Variants in ESR1 observed in about 807,000 individuals in gnomAD.
The protein encoded by ESR1 is estrogen receptor.
A neutral mutation model predicts 52.7 loss-of-function variants in ESR1; 12 were observed. The observed-to-expected ratio is 0.23, with a 90% CI of 0.15 to 0.37. The LOEUF (loss-of-function observed/expected upper bound fraction) is 0.37. Among genes scored for constraint, ESR1 ranks in the 10% least tolerant of loss-of-function variants. The pLI is 1.00. For missense variants in ESR1, 584 were observed against 779.7 expected (o/e 0.75, Z 2.99); for synonymous variants, 305 against 316.8 (o/e 0.96, Z 0.39).
chr6:151,846,072 A>G (rs1310290214), intron 2 of ESR1, among the ~76,000 whole-genome samples: 2 of 152,224 alleles, frequency 1.3e-5, no homozygotes, highest in African/African-American at 4.8e-5. Context: ...GAGTCTGGCT[A>G]TCAGAGGTTT....
At chr6:152,034,635 A>G (rs2045109930) in intron 5 of ESR1, among the ~76,000 whole-genome samples, 1 of 152,048 alleles carries the variant, frequency 6.6e-6, no homozygotes, top group Non-Finnish European at 1.5e-5. Context: ...GAAATGTGCA[A>G]CTAACTCTTT....
chr6:151,897,879 T>C (rs1378307064), intron 3 of ESR1, among the ~76,000 whole-genome samples: 2 of 152,248 alleles, frequency 1.3e-5, no homozygotes, highest in South Asian at 2.1e-4. Flanking sequence ...AGTCATGTAG[T>C]GCTGGCTTGG....
intron 2 of ESR1, among the ~76,000 whole-genome samples, chr6:151,795,915 G>A (rs905021064): frequency 4.6e-5 from 7 of 152,006 alleles, no homozygotes; most frequent in Non-Finnish European, 7.4e-5. Context: ...TTGGGAGGCC[G>A]AGGTGGGCGG....
intron 1 of ESR1, among the ~76,000 whole-genome samples, chr6:151,695,972 A>G (rs368959621): frequency 1.3e-5 from 2 of 152,222 alleles, no homozygotes; most frequent in South Asian, 2.1e-4. Flanking sequence ...CAAAATTTAA[A>G]ATTTTGGAAA....
intron 5 of ESR1, among the ~76,000 whole-genome samples, chr6:152,045,401 A>G (rs1021220761): frequency 6.6e-6 from 1 of 152,132 alleles, no homozygotes; most frequent in Admixed American, 6.5e-5. Context: ...GGTACTCCAC[A>G]CTGTGTTCAG....
At chr6:152,045,853 T>G (rs1224053465) in intron 5 of ESR1, among the ~76,000 whole-genome samples, 1 of 152,190 alleles carries the variant, frequency 6.6e-6, no homozygotes, top group Non-Finnish European at 1.5e-5. Context: ...AGTGAACACT[T>G]TTACCTTCTT....
intron 1 of ESR1, among the ~76,000 whole-genome samples, chr6:151,834,944 C>T (rs909669210): frequency 2.0e-5 from 3 of 151,936 alleles, no homozygotes; most frequent in Non-Finnish European, 4.4e-5. Flanking sequence ...GAGCTTTACT[C>T]TTGTTGTGGT....
chr6:151,982,458 A>G (rs931924698), intron 4 of ESR1, among the ~76,000 whole-genome samples: 8 of 152,052 alleles, frequency 5.3e-5, no homozygotes. Context: ...TAGCCACATT[A>G]AAAAGTAAAA....
chr6:151,929,949 C>A (rs904002131), intron 3 of ESR1, among the ~76,000 whole-genome samples: 1 of 151,300 alleles, frequency 6.6e-6, no homozygotes, highest in Admixed American at 6.6e-5. Flanking sequence ...GTATGTCATA[C>A]CATTTTATCT....
At chr6:151,944,893 CA>C in intron 4 of ESR1, among the ~76,000 whole-genome samples, 1 of 152,140 alleles carries the variant, frequency 6.6e-6, no homozygotes, top group East Asian at 1.9e-4. Context: ...GAAAACATCT[CA>C]ATTATTAATC....
chr6:151,775,902 A>C (rs1280920420), intron 2 of ESR1, among the ~76,000 whole-genome samples: 1 of 152,238 alleles, frequency 6.6e-6, no homozygotes, highest in Non-Finnish European at 1.5e-5. Flanking sequence ...AAGAAACGTC[A>C]GGCCCAGGGG....
chr6:151,706,439 G>A (rs907915506), intron 2 of ESR1, among the ~76,000 whole-genome samples: 5 of 152,102 alleles, frequency 3.3e-5, no homozygotes, highest in African/African-American at 1.2e-4. Flanking sequence ...AAGAGGTAGC[G>A]GGCATCCTTG....
chr6:152,028,230 C>A (rs890918753), intron 5 of ESR1, among the ~76,000 whole-genome samples: 1 of 152,174 alleles, frequency 6.6e-6, no homozygotes. Context: ...ATGCAGAAGA[C>A]AAATGATTTT....
chr6:151,959,175 G>T (rs1293279710), intron 4 of ESR1, among the ~76,000 whole-genome samples: 1 of 152,158 alleles, frequency 6.6e-6, no homozygotes, highest in African/African-American at 2.4e-5. Flanking sequence ...GCCATCTCAA[G>T]ACTAAGTATT....
At chr6:151,914,256 T>TAA (rs34984292) in intron 3 of ESR1, among the ~76,000 whole-genome samples, 1 of 148,480 alleles carries the variant, frequency 6.7e-6, no homozygotes, top group African/African-American at 2.5e-5. Flanking sequence ...ACTTTTTCAT[T>TAA]AAAAAAAAAA....
At chr6:151,761,478 T>A (rs567807594) in intron 2 of ESR1, among the ~76,000 whole-genome samples, 82 of 152,210 alleles carry the variant, frequency 5.4e-4, no homozygotes, top group Non-Finnish European at 8.1e-4. Context: ...ATATTCCCAT[T>A]GCATGCCTGA....
At chr6:151,822,146 T>G (rs187665596) in intron 1 of ESR1, among the ~76,000 whole-genome samples, 3 of 152,340 alleles carry the variant, frequency 2.0e-5, no homozygotes, top group Non-Finnish European at 4.4e-5. Context: ...TAAAAAATTT[T>G]AAAAGGAGAT....
intron 7 of ESR1, among the ~76,000 whole-genome samples, chr6:152,095,103 G>A (rs935607838): frequency 1.3e-5 from 2 of 152,214 alleles, no homozygotes; most frequent in African/African-American, 4.8e-5. Context: ...GTCACTGGAT[G>A]TGTATCCCTG....
chr6:152,033,847 A>G (rs910255642), intron 5 of ESR1, among the ~76,000 whole-genome samples: 5 of 152,308 alleles, frequency 3.3e-5, no homozygotes, highest in South Asian at 4.2e-4. Context: ...ATGCACACGT[A>G]TGTTTATTGC....
Sources: gnomAD v4.1 joint callset for allele counts (sites outside exome capture counted in the v4.1 genomes callset) on GRCh38, gnomAD v4.1.1 for gene constraint, MANE v1.5 for transcripts, NCBI Gene and HGNC (gene_info 2026-07-23, HGNC 2026-07-21) for gene names.